The following NVL variants were observed in gnomAD, a reference collection of about 807,000 sequenced individuals.
NVL encodes the protein nuclear VCP like.
NVL carries 84 observed loss-of-function variants against 110.2 expected under a neutral mutation model. The observed-to-expected ratio is 0.76, with a 90% CI of 0.64 to 0.91. The LOEUF (loss-of-function observed/expected upper bound fraction) is 0.91. Among genes scored for constraint, NVL ranks in the 40% least tolerant of loss-of-function variants. The probability of loss-of-function intolerance (pLI) is 0.00; values close to 1 mark genes in which losing one functional copy is unlikely to be tolerated. For missense variants in NVL, 882 were observed against 1,035.9 expected, an observed-to-expected ratio of 0.85 and a Z score of 2.04; for synonymous variants, 354 against 361.1, an observed-to-expected ratio of 0.98 and a Z score of 0.22.
At chr1:224,299,910 T>TC (rs1668235238) in intron 10 of NVL, among the ~76,000 whole-genome samples, 1 of 152,234 alleles carries the variant, frequency 6.6e-6, no homozygotes, top group Non-Finnish European at 1.5e-5. Flanking sequence ...TTGTATTGGA[T>TC]ATTCATCAGC....
At chr1:224,289,347 T>A in intron 13 of NVL, 137 bp downstream of exon 13, 3 of 744,214 alleles carry the variant, frequency 4.0e-6, no homozygotes, top group Non-Finnish European at 6.1e-6. Flanking sequence ...ATCGTGGGTA[T>A]AAATGATAAG....
In NVL at chr1:224,319,468, C is replaced by T. The variant is rs190400193; in HGVS notation, c.132-1538G>A. Among the ~76,000 whole-genome samples, 1,121 of 151,868 alleles carry T rather than the reference C, an allele frequency of 7.4e-3. 14 individuals are homozygous for T. Among genetic ancestry groups the T allele is most frequent in the Non-Finnish European group, 0.01 (699 of 67,966 alleles). On this transcript the variant is annotated intron_variant, in intron 2 of 22. Coordinates refer to ENST00000281701, the MANE Select transcript of NVL (RefSeq NM_002533.4). Reference sequence around the variant, plus strand: ...GACTACAGGCGCCTGCCACCACACCCGGCTATTTTTTTGTATTTTTAGTAG... The same window carrying T: ...GACTACAGGCGCCTGCCACCACACCTGGCTATTTTTTTGTATTTTTAGTAG...
intron 2 of NVL, among the ~76,000 whole-genome samples, chr1:224,319,204 A>G (rs1409065247): frequency 1.3e-5 from 2 of 151,288 alleles, no homozygotes. Context: ...CAATACAATT[A>G]GCACAAATAA....
chr1:224,237,603 G>A (rs535213350), intron 19 of NVL, among the ~76,000 whole-genome samples: 25 of 152,128 alleles, frequency 1.6e-4, no homozygotes, highest in African/African-American at 5.8e-4. Flanking sequence ...TTCCCTCCAG[G>A]GTATTGCTCT....
At chr1:224,297,036 G>T (rs866515405) in intron 10 of NVL, among the ~76,000 whole-genome samples, 1 of 151,866 alleles carries the variant, frequency 6.6e-6, no homozygotes, top group Admixed American at 6.6e-5. Context: ...CGTTATGAGG[G>T]TTTCTACTAA....
rs569892817 is a variant in NVL, at chr1:224,304,498, T to C, written c.825+238A>G. 7.9e-5 allele frequency among the ~76,000 whole-genome samples: 12 copies of C among 152,030 alleles called. 1 individual carries two copies. In the South Asian group the frequency reaches 2.5e-3, roughly 32 times the overall value. Reference sequence around the variant, plus strand: ...ATTACTATTAGTATTGCTAAGACAATATTACTTATAAAGCATGGATCTTAT... The same window carrying C: ...ATTACTATTAGTATTGCTAAGACAACATTACTTATAAAGCATGGATCTTAT... On this transcript the variant is annotated intron_variant, in intron 8 of 22. Coordinates refer to ENST00000281701, the MANE Select transcript of NVL (RefSeq NM_002533.4).
At chr1:224,264,430 T>C (rs563377226) in intron 18 of NVL, among the ~76,000 whole-genome samples, 1 of 151,964 alleles carries the variant, frequency 6.6e-6, no homozygotes, top group African/African-American at 2.4e-5. Flanking sequence ...GTATTATTAG[T>C]AGAGATGGAG....
chr1:224,311,341 G>A (rs891972278), intron 5 of NVL, among the ~76,000 whole-genome samples: 37 of 151,586 alleles, frequency 2.4e-4, no homozygotes, highest in African/African-American at 7.0e-4. Context: ...GATTACAGGC[G>A]TGAGCCACGA....
intron 15 of NVL, among the ~76,000 whole-genome samples, chr1:224,285,233 G>A (rs573531411): frequency 2.8e-4 from 42 of 152,164 alleles, no homozygotes; most frequent in African/African-American, 7.2e-4. Context: ...TCAGGAGTTC[G>A]AGACCAGCCT....
chr1:224,310,038 C>T (rs938683261), intron 5 of NVL, among the ~76,000 whole-genome samples: 23 of 151,952 alleles, frequency 1.5e-4, no homozygotes, highest in African/African-American at 5.3e-4. Context: ...GTAATTCCAG[C>T]TCCTCAGGAA....
chr1:224,278,226 C>CTTTTTTT (rs931102981), intron 16 of NVL, among the ~76,000 whole-genome samples: 3 of 111,132 alleles, frequency 2.7e-5, no homozygotes, highest in African/African-American at 7.4e-5. Context: ...ATCATCTAAT[C>CTTTTTTT]TTTTTTTTTT....
At chr1:224,304,855 T>C (rs1174021397) in intron 7 of NVL, 43 bp from the exon 8 acceptor site, 2 of 1,531,200 alleles carry the variant, frequency 1.3e-6, no homozygotes, top group African/African-American at 1.4e-5. Context: ...AATGATTCAG[T>C]AGTAACTCAT....
chr1:224,274,273 A>G (rs568318340), intron 17 of NVL, among the ~76,000 whole-genome samples: 90 of 151,984 alleles, frequency 5.9e-4, no homozygotes, highest in South Asian at 5.2e-3. Flanking sequence ...CCTGGGAGAA[A>G]GAGTGAGACT....
intron 17 of NVL, among the ~76,000 whole-genome samples, chr1:224,270,243 T>C (rs1417298570): frequency 6.6e-6 from 1 of 152,208 alleles, no homozygotes; most frequent in Admixed American, 6.5e-5. Context: ...GAATGACTGA[T>C]AGATTTTGCT....
At chr1:224,285,583 A>G (rs1666783345) in intron 15 of NVL, among the ~76,000 whole-genome samples, 1 of 152,204 alleles carries the variant, frequency 6.6e-6, no homozygotes, top group Non-Finnish European at 1.5e-5. Flanking sequence ...TGGCAGTGAG[A>G]GAATTACACA....
At chr1:224,240,401 C>T (rs968211665) in intron 19 of NVL, among the ~76,000 whole-genome samples, 7 of 151,736 alleles carry the variant, frequency 4.6e-5, no homozygotes, top group African/African-American at 9.7e-5. Context: ...TTAGTAGAGA[C>T]GGGGTTTCAC....
In NVL at chr1:224,272,692, G is replaced by C. The variant is rs192916930; in HGVS notation, c.2082+2647C>G. 6.2e-3 allele frequency among the ~76,000 whole-genome samples: 949 copies of C among 152,042 alleles called. 10 individuals carry two copies. The highest frequency in any genetic ancestry group is 0.022 in the African/African-American group (895 of 41,444). On this transcript the variant is annotated intron_variant, in intron 17 of 22. Transcript: ENST00000281701. ...AGATTACACCACTGCACTCCAGCTT[G>C]GGTGACAGAGCAAGACTCTGTCTCA...
intron 16 of NVL, among the ~76,000 whole-genome samples, chr1:224,280,330 C>T (rs565679649): frequency 8.1e-4 from 123 of 152,072 alleles, no homozygotes; most frequent in African/African-American, 2.4e-3. Context: ...CCTCTATTAG[C>T]TCTCTGATAT....
intron 2 of NVL, among the ~76,000 whole-genome samples, chr1:224,323,005 G>A (rs1670807320): frequency 6.6e-6 from 1 of 151,916 alleles, no homozygotes; most frequent in Non-Finnish European, 1.5e-5. Context: ...AGAAAGACAA[G>A]AGAAGAGCTG....
Sources: allele counts gnomAD v4.1 joint callset (sites outside exome capture counted in the v4.1 genomes callset), GRCh38; gene constraint gnomAD v4.1.1; transcripts MANE v1.5; gene names NCBI Gene and HGNC (gene_info 2026-07-23, HGNC 2026-07-21).